Variants in IQCJ observed in about 807,000 individuals in gnomAD.
IQCJ encodes IQ domain-containing protein J.
In IQCJ, 9 loss-of-function variants were observed where a neutral mutation model predicts 11.0. The observed-to-expected ratio is 0.82, with a 90% CI of 0.49 to 1.43. The LOEUF (loss-of-function observed/expected upper bound fraction) is 1.43, where lower values mean the gene tolerates loss of function less well. Ranked by LOEUF, IQCJ falls within the 40% of genes most tolerant of loss-of-function variation. IQCJ has a pLI of 0.00. For synonymous variants in IQCJ, 55 were observed against 51.3 expected (o/e 1.07, Z -0.31); for missense variants, 146 against 133.2 (o/e 1.10, Z -0.47).
chr3:159,176,299 A>T (rs906880949), intron 1 of IQCJ, among the ~76,000 whole-genome samples: 2 of 151,906 alleles, frequency 1.3e-5, no homozygotes, highest in African/African-American at 4.8e-5. Flanking sequence ...TTCTAGTTTT[A>T]GTTTGTTATT....
At chr3:159,112,916 G>A (rs950227832) in intron 1 of IQCJ, among the ~76,000 whole-genome samples, 2 of 152,156 alleles carry the variant, frequency 1.3e-5, no homozygotes, top group South Asian at 2.1e-4. Context: ...CCTCTGACAT[G>A]GTCAACTAGC....
intron 1 of IQCJ, among the ~76,000 whole-genome samples, chr3:159,180,604 A>G (rs147013218): frequency 0.012 from 1,824 of 152,066 alleles, 20 homozygotes; most frequent in Non-Finnish European, 0.019. Flanking sequence ...AGGGCAGGAG[A>G]GAGAGTGAAA....
intron 1 of IQCJ, among the ~76,000 whole-genome samples, chr3:159,176,830 C>T (rs1053794768): frequency 6.6e-6 from 1 of 152,024 alleles, no homozygotes; most frequent in African/African-American, 2.4e-5. Flanking sequence ...CCATATTGAC[C>T]AGGGAAGTTC....
chr3:159,250,549 G>C (rs1727535988), intron 2 of IQCJ, among the ~76,000 whole-genome samples: 2 of 152,110 alleles, frequency 1.3e-5, no homozygotes, highest in Non-Finnish European at 2.9e-5. Context: ...CACATGGCTG[G>C]GGGCGCCTCA....
intron 1 of IQCJ, among the ~76,000 whole-genome samples, chr3:159,244,591 A>G (rs1242011789): frequency 6.6e-6 from 1 of 152,246 alleles, no homozygotes; most frequent in Non-Finnish European, 1.5e-5. Flanking sequence ...TTTAGTTAGA[A>G]CAACATAATT....
chr3:159,075,842 T>C (rs1353275992), intron 1 of IQCJ, among the ~76,000 whole-genome samples: 2 of 152,046 alleles, frequency 1.3e-5, no homozygotes, highest in Admixed American at 6.6e-5. Flanking sequence ...TGATAACCTG[T>C]TGAAGGTAAC....
chr3:159,071,452 A>G (rs767288665), intron 1 of IQCJ, among the ~76,000 whole-genome samples: 64 of 152,052 alleles, frequency 4.2e-4, no homozygotes, highest in Non-Finnish European at 5.3e-4. Flanking sequence ...TTTAAATTGA[A>G]TGAATAGGAT....
intron 1 of IQCJ, among the ~76,000 whole-genome samples, chr3:159,245,628 A>C (rs950776449): frequency 7.3e-5 from 11 of 151,704 alleles, no homozygotes; most frequent in African/African-American, 2.7e-4. Flanking sequence ...TGCCTGGCTA[A>C]TTTTTTTGTA....
At chr3:159,166,010 G>C (rs1722146561) in intron 1 of IQCJ, among the ~76,000 whole-genome samples, 1 of 151,796 alleles carries the variant, frequency 6.6e-6, no homozygotes, top group Non-Finnish European at 1.5e-5. Context: ...TCATGCATTT[G>C]AGTCGCTGGC....
chr3:159,105,366 T>C (rs1358195549), intron 1 of IQCJ, among the ~76,000 whole-genome samples: 1 of 152,202 alleles, frequency 6.6e-6, no homozygotes, highest in East Asian at 1.9e-4. Context: ...CCACCTCTTC[T>C]GGAGCTGTAG....
chr3:159,250,711 A>T (rs1174118389), intron 2 of IQCJ, among the ~76,000 whole-genome samples: 1 of 152,170 alleles, frequency 6.6e-6, no homozygotes, highest in Admixed American at 6.5e-5. Flanking sequence ...TGCCCCCATT[A>T]TTCAATTATT....
intron 1 of IQCJ, among the ~76,000 whole-genome samples, chr3:159,117,881 C>T (rs1719120778): frequency 6.7e-6 from 1 of 149,338 alleles, no homozygotes; most frequent in African/African-American, 2.6e-5. Flanking sequence ...ATCAGGTTTA[C>T]TAGCTACTGT....
chr3:159,137,466 T>C (rs1246162838), intron 1 of IQCJ, among the ~76,000 whole-genome samples: 1 of 152,208 alleles, frequency 6.6e-6, no homozygotes, highest in African/African-American at 2.4e-5. Flanking sequence ...TACTTAAAGA[T>C]CTGCCTTTTA....
At chr3:159,089,612 C>G (rs1389089509) in intron 1 of IQCJ, among the ~76,000 whole-genome samples, 2 of 151,816 alleles carry the variant, frequency 1.3e-5, no homozygotes, top group Non-Finnish European at 2.9e-5. Flanking sequence ...GGAGGCTTTG[C>G]TCATTTCTTT....
At chr3:159,076,458 C>A (rs1264362439) in intron 1 of IQCJ, among the ~76,000 whole-genome samples, 1 of 152,018 alleles carries the variant, frequency 6.6e-6, no homozygotes, top group East Asian at 1.9e-4. Context: ...GCAAGGATGA[C>A]CCCATTTAAA....
chr3:159,101,620 G>GGAAC (rs1717928104), intron 1 of IQCJ, among the ~76,000 whole-genome samples: 4 of 152,206 alleles, frequency 2.6e-5, no homozygotes, highest in Admixed American at 6.5e-5. Context: ...GCTCTGGGTA[G>GGAAC]TGATCTCACA....
chr3:159,265,231 T>C, downstream of IQCJ: 4 of 1,613,694 alleles, frequency 2.5e-6, no homozygotes, highest in Non-Finnish European at 2.5e-6. Context: ...AGGGCCCCTG[T>C]TGGGAAGATT....
intron 1 of IQCJ, among the ~76,000 whole-genome samples, chr3:159,211,931 T>C (rs904138143): frequency 2.0e-5 from 3 of 151,780 alleles, no homozygotes; most frequent in Non-Finnish European, 1.5e-5. Context: ...CAGAGAAATG[T>C]ATGTGGTGGA....
rs373260121 is a variant in IQCJ at position 159,090,452 on chromosome 3, C to A, written c.9+21011C>A. ...CACCCTCACATAAGTTCTGTTTGTACAAGATTGTTGGATGCTGGGTCAGTT... is the reference window on the plus strand; with the variant it reads ...CACCCTCACATAAGTTCTGTTTGTAAAAGATTGTTGGATGCTGGGTCAGTT... On this transcript the variant is annotated intron_variant, in intron 1 of 3. Transcript: ENST00000397832. 2.6e-5 allele frequency among the ~76,000 whole-genome samples: 4 copies of A among 151,826 alleles called. No individual in the cohort carries two copies. In the East Asian group the frequency reaches 5.8e-4, roughly 22 times the overall value.
Sources: allele counts gnomAD v4.1 joint callset (sites outside exome capture counted in the v4.1 genomes callset), GRCh38; gene constraint gnomAD v4.1.1; transcripts MANE v1.5; gene names NCBI Gene and HGNC (gene_info 2026-07-23, HGNC 2026-07-21).